The following PHF24 variants were observed in gnomAD, a reference collection of about 807,000 sequenced individuals.
PHF24 encodes the protein PHD finger protein 24.
In PHF24, 25 loss-of-function variants were observed where a neutral mutation model predicts 42.6. The ratio of observed to expected loss-of-function variants is 0.59; its 90% CI spans 0.43 to 0.82. The LOEUF (loss-of-function observed/expected upper bound fraction) is 0.82. PHF24 is among the 40% of genes least tolerant of loss of function. The pLI, the probability that PHF24 is intolerant of heterozygous loss-of-function variation, is 0.00. For synonymous variants in PHF24, 185 were observed against 204.8 expected (o/e 0.90, Z 0.83); for missense variants, 470 against 538.1 (o/e 0.87, Z 1.25).
chr9:34,683,257 T>G, the PHF24 span, among the ~76,000 whole-genome samples: 1 of 152,178 alleles, frequency 6.6e-6, no homozygotes, highest in Non-Finnish European at 1.5e-5. Context: ...GAAAGGGTTT[T>G]GCCATGTTGG....
chr9:34,667,561 C>T, the PHF24 span, among the ~76,000 whole-genome samples: 1 of 152,180 alleles, frequency 6.6e-6, no homozygotes, highest in African/African-American at 2.4e-5. Context: ...TCCTTGGTTC[C>T]CCAGGCCAGG....
At chr9:34,932,100 C>T in the PHF24 span, among the ~76,000 whole-genome samples, 1 of 152,144 alleles carries the variant, frequency 6.6e-6, no homozygotes. Flanking sequence ...TCTCCAGAAA[C>T]TTCTCTCTGG....
the PHF24 span, among the ~76,000 whole-genome samples, chr9:34,824,600 A>G: frequency 8.9e-5 from 13 of 146,788 alleles, no homozygotes; most frequent in Non-Finnish European, 1.7e-4. Context: ...GGAAGGTGTT[A>G]GGGTTGGAGT....
the PHF24 span, among the ~76,000 whole-genome samples, chr9:34,851,807 T>G: frequency 6.6e-6 from 1 of 152,264 alleles, no homozygotes; most frequent in Non-Finnish European, 1.5e-5. Flanking sequence ...AAACTCATCA[T>G]GTTTACTTTA....
the PHF24 span, among the ~76,000 whole-genome samples, chr9:34,821,496 G>T: frequency 2.6e-5 from 4 of 152,160 alleles, no homozygotes; most frequent in Admixed American, 1.3e-4. Flanking sequence ...GAAAGCAGAA[G>T]TGAGGTAGCA....
the PHF24 span, among the ~76,000 whole-genome samples, chr9:34,756,726 G>C: frequency 2.6e-5 from 4 of 151,900 alleles, no homozygotes; most frequent in South Asian, 4.2e-4. Context: ...AAATTTTAAG[G>C]GTTTTTTTTC....
chr9:34,910,844 A>T, the PHF24 span, among the ~76,000 whole-genome samples: 1 of 151,010 alleles, frequency 6.6e-6, no homozygotes, highest in African/African-American at 2.4e-5. Flanking sequence ...TTCAATTGAG[A>T]TAGAGTCTCA....
the PHF24 span, among the ~76,000 whole-genome samples, chr9:34,857,858 A>G: frequency 1.3e-5 from 2 of 151,704 alleles, no homozygotes; most frequent in African/African-American, 2.4e-5. Context: ...CATTTCATTC[A>G]TCCTATTTTT....
At chr9:34,916,894 C>T in the PHF24 span, among the ~76,000 whole-genome samples, 6 of 152,196 alleles carry the variant, frequency 3.9e-5, no homozygotes, top group Admixed American at 3.3e-4. Context: ...GCCATGTACA[C>T]GGACAATAAT....
chr9:34,950,913 T>G, the PHF24 span, among the ~76,000 whole-genome samples: 1 of 151,772 alleles, frequency 6.6e-6, no homozygotes, highest in Non-Finnish European at 1.5e-5. Context: ...CCAATAAAAT[T>G]GACAAACTTC....
the PHF24 span, among the ~76,000 whole-genome samples, chr9:34,747,755 T>C: frequency 1.3e-5 from 2 of 152,176 alleles, no homozygotes; most frequent in Non-Finnish European, 2.9e-5. Context: ...CTGGTAAAGC[T>C]GAATATGTGC....
the PHF24 span, among the ~76,000 whole-genome samples, chr9:34,796,693 C>G: frequency 9.8e-3 from 1,490 of 152,322 alleles, 8 homozygotes; most frequent in Non-Finnish European, 0.016. Flanking sequence ...GCAACTGGAT[C>G]TCTCATACAT....
chr9:34,666,793 A>G, the PHF24 span, among the ~76,000 whole-genome samples: 2 of 152,214 alleles, frequency 1.3e-5, no homozygotes, highest in African/African-American at 4.8e-5. Context: ...TAAAAATACA[A>G]AAGTTAGCCG....
At chr9:34,715,993 T>C in the PHF24 span, among the ~76,000 whole-genome samples, 1 of 152,100 alleles carries the variant, frequency 6.6e-6, no homozygotes, top group Non-Finnish European at 1.5e-5. Context: ...GAATTTCAGC[T>C]CAAGGGCTAG....
chr9:34,690,278 G>T, the PHF24 span: 2 of 1,613,442 alleles, frequency 1.2e-6, no homozygotes, highest in Non-Finnish European at 1.7e-6. Flanking sequence ...TGTACCCAGG[G>T]ATGGGTTTCT....
At chr9:34,695,317 G>T in the PHF24 span, among the ~76,000 whole-genome samples, 1 of 152,226 alleles carries the variant, frequency 6.6e-6, no homozygotes, top group Non-Finnish European at 1.5e-5. Flanking sequence ...GGTTCTGGAG[G>T]AGGGTGCCCA....
chr9:34,741,199 T>C, the PHF24 span, among the ~76,000 whole-genome samples: 21 of 150,448 alleles, frequency 1.4e-4, no homozygotes, highest in East Asian at 2.0e-3. Context: ...GTCCTCTCAT[T>C]TTTGTAAAAA....
chr9:34,665,821 T>G, the PHF24 span: 25 of 611,194 alleles, frequency 4.1e-5, no homozygotes, highest in Middle Eastern at 4.3e-4. Context: ...CGGGACAGGG[T>G]GGGCTTGGAG....
At chr9:34,671,084 C>T in the PHF24 span, among the ~76,000 whole-genome samples, 1 of 152,192 alleles carries the variant, frequency 6.6e-6, no homozygotes, top group Non-Finnish European at 1.5e-5. Flanking sequence ...CTGTCCCTCT[C>T]CCTTATTGAC....
Sources: allele counts gnomAD v4.1 joint callset (sites outside exome capture counted in the v4.1 genomes callset), GRCh38; gene constraint gnomAD v4.1.1; transcripts MANE v1.5; gene names NCBI Gene and HGNC (gene_info 2026-07-23, HGNC 2026-07-21).